CD109: variants seen among roughly 807,000 people sequenced by gnomAD.
The protein encoded by CD109 is CD109 antigen.
CD109 carries 149 observed loss-of-function variants against 165.8 expected under a neutral mutation model. The observed-to-expected ratio is 0.90, with a 90% CI of 0.79 to 1.03. CD109 has a LOEUF of 1.03. Ranked by LOEUF, CD109 falls within the 50% of genes least tolerant of loss-of-function variation. CD109 has a pLI of 0.00. For synonymous variants in CD109, 585 were observed against 592.1 expected (o/e 0.99, Z 0.18); for missense variants, 1,712 against 1,677.8 (o/e 1.02, Z -0.36).
chr6:73,700,360 A>G (rs1166905646), intron 2 of CD109, among the ~76,000 whole-genome samples: 1 of 151,826 alleles, frequency 6.6e-6, no homozygotes, highest in Non-Finnish European at 1.5e-5. Context: ...TGCTGGGATT[A>G]TGGGTATGAG....
At chr6:73,730,269 T>TA (rs1772311464) in intron 3 of CD109, 75 bp from the exon 4 acceptor site, 1 of 947,222 alleles carries the variant, frequency 1.1e-6, no homozygotes, top group African/African-American at 1.6e-5. Flanking sequence ...TTACTTTTTT[T>TA]ATTCTAACTT....
chr6:73,697,393 T>C lies in CD109; in HGVS notation c.75-7T>C. The C allele has an allele frequency of 6.2e-7, 1 of 1,611,060 alleles. No homozygotes were observed. The highest frequency in any genetic ancestry group is 8.5e-7 in the Non-Finnish European group (1 of 1,178,942). On this transcript the variant is annotated splice_region_variant and splice_polypyrimidine_tract_variant and intron_variant, in intron 1 of 32. Transcript: ENST00000287097. ...ACTTTGTTTTTCCCTTGTTGGGAAC[T>C]CTTTAGGCCTCGGTTTCTGGTGACA...
intron 2 of CD109, among the ~76,000 whole-genome samples, chr6:73,712,208 C>A (rs1432982658): frequency 1.3e-5 from 2 of 151,466 alleles, no homozygotes. Flanking sequence ...GACTCCGTCT[C>A]AAAAAAAAAA....
chr6:73,705,623 AAAAAG>A (rs59423704), intron 2 of CD109, among the ~76,000 whole-genome samples: 10,007 of 148,860 alleles, frequency 0.067, 413 homozygotes, highest in East Asian at 0.13. Flanking sequence ...CTGTCTCAAG[AAAAAG>A]AAAAGAAAAG....
intron 22 of CD109, among the ~76,000 whole-genome samples, chr6:73,789,892 G>C (rs917661615): frequency 2.0e-4 from 31 of 151,510 alleles, no homozygotes; most frequent in African/African-American, 6.3e-4. Flanking sequence ...CTCCTGAGTA[G>C]CTGGAATTAC....
chr6:73,725,524 T>TTC (rs1390250986), intron 3 of CD109, among the ~76,000 whole-genome samples: 5 of 146,554 alleles, frequency 3.4e-5, no homozygotes, highest in Non-Finnish European at 7.6e-5. Context: ...TTTTTTTTTT[T>TTC]TGAGACAGAG....
intron 23 of CD109, among the ~76,000 whole-genome samples, chr6:73,793,163 C>T (rs1440764270): frequency 2.0e-5 from 3 of 152,136 alleles, no homozygotes; most frequent in Non-Finnish European, 2.9e-5. Flanking sequence ...GATCAGTTTT[C>T]GTGCCAAGAA....
chr6:73,765,726 C>T (rs1053555543), intron 10 of CD109, among the ~76,000 whole-genome samples: 6 of 151,958 alleles, frequency 3.9e-5, no homozygotes, highest in South Asian at 2.1e-4. Context: ...TTTGGAGCCG[C>T]GGAAGTTAAG....
intron 23 of CD109, among the ~76,000 whole-genome samples, chr6:73,798,680 T>G (rs930540384): frequency 4.6e-5 from 7 of 152,160 alleles, no homozygotes; most frequent in Non-Finnish European, 7.4e-5. Flanking sequence ...TGTGGCCTCT[T>G]CTCTGGGCTG....
chr6:73,718,181 A>G (rs1176919403), intron 2 of CD109, among the ~76,000 whole-genome samples: 2 of 152,022 alleles, frequency 1.3e-5, no homozygotes, highest in Non-Finnish European at 2.9e-5. Flanking sequence ...TAAAAATATT[A>G]TATCATCTGC....
chr6:73,682,594 G>A, the CD109 span, among the ~76,000 whole-genome samples: 2 of 152,222 alleles, frequency 1.3e-5, no homozygotes, highest in African/African-American at 4.8e-5. Context: ...TCTGGAGGAC[G>A]TGGCCCTCTT....
chr6:73,792,610 T>C lies in CD109; in HGVS notation c.2702-16T>C. On this transcript the variant is annotated splice_polypyrimidine_tract_variant and intron_variant, in intron 22 of 32. Transcript: ENST00000287097. ...CTGAGTATTTACTGAATGAACTGCA[T>C]GTCTTGTGCTTCCAGGAGATGTTCT... 3 of 1,611,434 alleles carry C rather than the reference T, an allele frequency of 1.9e-6. No homozygotes were observed. The highest frequency in any genetic ancestry group is 2.5e-6 in the Non-Finnish European group (3 of 1,179,536).
intron 4 of CD109, among the ~76,000 whole-genome samples, chr6:73,735,959 T>G (rs1201852914): frequency 6.6e-6 from 1 of 152,210 alleles, no homozygotes; most frequent in Non-Finnish European, 1.5e-5. Context: ...AGGGGTTTGG[T>G]GACGTACATG....
intron 4 of CD109, among the ~76,000 whole-genome samples, chr6:73,733,763 G>A (rs138044506): frequency 6.6e-6 from 1 of 152,204 alleles, no homozygotes; most frequent in Non-Finnish European, 1.5e-5. Context: ...CGCTGGCCAG[G>A]TGAAGAAGCT....
intron 15 of CD109, among the ~76,000 whole-genome samples, chr6:73,772,619 T>A (rs1475090340): frequency 5.3e-5 from 8 of 151,586 alleles, no homozygotes; most frequent in Non-Finnish European, 1.2e-4. Flanking sequence ...CCAAGAAGTA[T>A]ATGAACATCT....
chr6:73,812,327 G>T, intron 29 of CD109, 57 bp downstream of exon 29: 3 of 1,128,152 alleles, frequency 2.7e-6, no homozygotes, highest in Admixed American at 2.0e-5. Context: ...ATAATTATTT[G>T]GTTTGGGGCT....
At chr6:73,821,242 G>A (rs1329168953) in intron 32 of CD109, among the ~76,000 whole-genome samples, 2 of 152,066 alleles carry the variant, frequency 1.3e-5, no homozygotes, top group Non-Finnish European at 2.9e-5. Flanking sequence ...CACCAACATG[G>A]CACATGTATA....
intron 23 of CD109, among the ~76,000 whole-genome samples, chr6:73,794,729 C>A (rs1051855728): frequency 1.3e-5 from 2 of 152,036 alleles, no homozygotes; most frequent in African/African-American, 4.8e-5. Flanking sequence ...GTATATTTTC[C>A]CTTAGATTAG....
intron 23 of CD109, among the ~76,000 whole-genome samples, chr6:73,793,042 G>A (rs1175769197): frequency 2.6e-5 from 4 of 152,164 alleles, no homozygotes; most frequent in African/African-American, 7.2e-5. Context: ...GTTAGTTTCT[G>A]GTGGGAGGGC....
Sources: allele counts gnomAD v4.1 joint callset (sites outside exome capture counted in the v4.1 genomes callset), GRCh38; gene constraint gnomAD v4.1.1; transcripts MANE v1.5; gene names NCBI Gene and HGNC (gene_info 2026-07-23, HGNC 2026-07-21).